DIP2C: variants seen among roughly 807,000 people sequenced by gnomAD.
DIP2C encodes the protein disco-interacting protein 2 homolog C.
Under a neutral mutation model 192.4 loss-of-function variants are expected in DIP2C, and 33 were observed. That is an observed-to-expected ratio of 0.17 (90% CI 0.13 to 0.23). The LOEUF is 0.23. DIP2C is among the 10% of genes least tolerant of loss of function. The pLI, the probability that DIP2C is intolerant of heterozygous loss-of-function variation, is 1.00. For missense variants in DIP2C, 1,537 were observed against 2,110.1 expected (o/e 0.73, Z 5.32); for synonymous variants, 979 against 864.1 (o/e 1.13, Z -2.33).
At chr10:549,619 G>C (rs1296570427) in intron 1 of DIP2C, among the ~76,000 whole-genome samples, 1 of 152,120 alleles carries the variant, frequency 6.6e-6, no homozygotes, top group Non-Finnish European at 1.5e-5. Context: ...TCAGAGGGGA[G>C]GGGTGCCCCC....
chr10:275,107 G>A lies in DIP2C; in HGVS notation c.*2218C>T, dbSNP rs889576584. 4.6e-5 allele frequency: 7 copies of A among 152,270 alleles called. No individual in the cohort carries two copies. Among genetic ancestry groups the A allele is most frequent in the Non-Finnish European group, 7.3e-5 (5 of 68,064 alleles). 9.4% of individuals were successfully genotyped at this position (152,270 alleles called of 1,614,324 possible). Reference sequence around the variant, plus strand: ...AGCGTCCACACTCCTTGAATGTAGAGTTGATCTGGTGACAGTTGAAATTAT... The same window carrying A: ...AGCGTCCACACTCCTTGAATGTAGAATTGATCTGGTGACAGTTGAAATTAT... On this transcript the variant is annotated 3_prime_UTR_variant, in exon 37 of 37. Transcript: ENST00000280886.
intron 1 of DIP2C, among the ~76,000 whole-genome samples, chr10:522,438 G>A (rs983916893): frequency 7.9e-5 from 12 of 152,240 alleles, no homozygotes; most frequent in African/African-American, 2.4e-4. Context: ...AAATGTCCAG[G>A]ACTGTGGTTG....
At chr10:528,713 C>G (rs1438490792) in intron 1 of DIP2C, among the ~76,000 whole-genome samples, 1 of 152,178 alleles carries the variant, frequency 6.6e-6, no homozygotes, top group Non-Finnish European at 1.5e-5. Context: ...ACCACAGTAT[C>G]CTGTGGATCC....
chr10:405,587 A>G (rs1964744704), intron 9 of DIP2C, among the ~76,000 whole-genome samples: 2 of 152,194 alleles, frequency 1.3e-5, no homozygotes, highest in African/African-American at 2.4e-5. Context: ...ATCAGTCACA[A>G]ATCCTGTTGT....
chr10:285,245 C>T (rs907120250), intron 34 of DIP2C, among the ~76,000 whole-genome samples: 4 of 151,788 alleles, frequency 2.6e-5, no homozygotes, highest in Non-Finnish European at 4.4e-5. Flanking sequence ...AGGTGTTCAC[C>T]CACGTGCGTG....
chr10:408,214 T>C (rs925286315), intron 9 of DIP2C, among the ~76,000 whole-genome samples: 10 of 152,182 alleles, frequency 6.6e-5, no homozygotes, highest in African/African-American at 2.4e-4. Flanking sequence ...CCTTTCCCCG[T>C]TGAGTATCTT....
chr10:643,576 C>T (rs979943681), intron 1 of DIP2C, among the ~76,000 whole-genome samples: 4 of 152,206 alleles, frequency 2.6e-5, no homozygotes, highest in African/African-American at 4.8e-5. Flanking sequence ...CCCCAGTCCA[C>T]GTCACCTGTG....
At chr10:369,791 G>A in intron 17 of DIP2C, 158 bp from the exon 18 acceptor site, 1 of 1,376,730 alleles carries the variant, frequency 7.3e-7, no homozygotes, top group South Asian at 1.3e-5. Flanking sequence ...ATTAGGGGAT[G>A]CTCGTTCTGT....
At chr10:334,130 C>T (rs1026725531) in intron 29 of DIP2C, among the ~76,000 whole-genome samples, 1 of 151,828 alleles carries the variant, frequency 6.6e-6, no homozygotes. Context: ...CATGGCAAAA[C>T]ACTGTCTCTA....
In DIP2C at chr10:625,674, G is replaced by A. The variant is rs1588629908; in HGVS notation, c.85+63820C>T. On this transcript the variant is annotated intron_variant, in intron 1 of 36. Transcript: ENST00000280886. ...CTCACGCACACTGCGCTTCAATCACGGCTGAAGCAGGAACGAGCTCTTAAT... is the reference window on the plus strand; with the variant it reads ...CTCACGCACACTGCGCTTCAATCACAGCTGAAGCAGGAACGAGCTCTTAAT... 3.3e-5 allele frequency among the ~76,000 whole-genome samples: 5 copies of A among 152,326 alleles called. 1 individual carries two copies. In the South Asian group the frequency reaches 8.3e-4, roughly 25 times the overall value.
intron 9 of DIP2C, among the ~76,000 whole-genome samples, chr10:405,859 A>C (rs1045871638): frequency 7.9e-5 from 12 of 152,164 alleles, no homozygotes; most frequent in Non-Finnish European, 1.6e-4. Context: ...GTCCAGGCGA[A>C]AGGCTTCAGC....
intron 32 of DIP2C, among the ~76,000 whole-genome samples, chr10:289,177 G>T (rs944665508): frequency 6.6e-6 from 1 of 152,086 alleles, no homozygotes; most frequent in East Asian, 1.9e-4. Context: ...TGAAGATGGT[G>T]AATCACAGGA....
intron 34 of DIP2C, among the ~76,000 whole-genome samples, chr10:284,020 C>T (rs988158206): frequency 3.3e-5 from 5 of 152,156 alleles, no homozygotes; most frequent in South Asian, 4.2e-4. Flanking sequence ...GCGATAGCCA[C>T]GTGGGTTACG....
intron 1 of DIP2C, among the ~76,000 whole-genome samples, chr10:533,514 G>A (rs553120750): frequency 1.6e-4 from 24 of 152,194 alleles, no homozygotes; most frequent in Non-Finnish European, 2.8e-4. Flanking sequence ...TCCTACAACA[G>A]TTTAGAGTGC....
intron 1 of DIP2C, among the ~76,000 whole-genome samples, chr10:551,588 C>T (rs1381065808): frequency 6.6e-6 from 1 of 152,244 alleles, no homozygotes; most frequent in African/African-American, 2.4e-5. Context: ...GTCACAGCAG[C>T]ATGTCCATCT....
intron 32 of DIP2C, among the ~76,000 whole-genome samples, chr10:295,782 G>C (rs1271295218): frequency 1.3e-5 from 2 of 152,068 alleles, no homozygotes; most frequent in Non-Finnish European, 2.9e-5. Context: ...GCCGAGGTGG[G>C]CTGATCACAA....
At chr10:377,294 T>TG (rs1484582308) in intron 17 of DIP2C, among the ~76,000 whole-genome samples, 2 of 152,194 alleles carry the variant, frequency 1.3e-5, no homozygotes, top group Non-Finnish European at 2.9e-5. Context: ...GGGCTGGAAC[T>TG]GGGGGGGACC....
At chr10:600,100 A>G (rs1280968703) in intron 1 of DIP2C, among the ~76,000 whole-genome samples, 1 of 152,298 alleles carries the variant, frequency 6.6e-6, no homozygotes, top group African/African-American at 2.4e-5. Context: ...ATCATAACTA[A>G]CATGTATTTA....
intron 1 of DIP2C, among the ~76,000 whole-genome samples, chr10:574,499 C>G (rs944669160): frequency 6.6e-6 from 1 of 152,212 alleles, no homozygotes. Context: ...TGGCCCAAGC[C>G]CAGCTAAATG....
Sources: allele counts gnomAD v4.1 joint callset (sites outside exome capture counted in the v4.1 genomes callset), GRCh38; gene constraint gnomAD v4.1.1; transcripts MANE v1.5; gene names NCBI Gene and HGNC (gene_info 2026-07-23, HGNC 2026-07-21).